TNNI3K: variants seen among roughly 807,000 people sequenced by gnomAD.
TNNI3K encodes the protein TNNI3 interacting kinase, also known as serine/threonine-protein kinase TNNI3K.
A neutral mutation model predicts 114.5 loss-of-function variants in TNNI3K; 140 were observed. The ratio of observed to expected loss-of-function variants is 1.22; its 90% CI spans 1.07 to 1.41. TNNI3K has a LOEUF of 1.41. Ranked by LOEUF, TNNI3K falls within the 40% of genes most tolerant of loss-of-function variation. TNNI3K has a pLI of 0.00. For synonymous variants in TNNI3K, 347 were observed against 347.5 expected (o/e 1.00, Z 0.02); for missense variants, 1,125 against 1,007.6 (o/e 1.12, Z -1.58).
At chr1:74,254,294 AGAT>A (rs1655140965) in intron 4 of TNNI3K, among the ~76,000 whole-genome samples, 1 of 152,222 alleles carries the variant, frequency 6.6e-6, no homozygotes, top group African/African-American at 2.4e-5. Flanking sequence ...AAGAACATTG[AGAT>A]GATATTAACA....
intron 23 of TNNI3K, among the ~76,000 whole-genome samples, chr1:74,539,041 A>C (rs1294976381): frequency 6.6e-6 from 1 of 152,188 alleles, no homozygotes; most frequent in Non-Finnish European, 1.5e-5. Flanking sequence ...GATAATATAC[A>C]AAGAATGGAC....
chr1:74,306,776 A>G (rs2100338719), intron 5 of TNNI3K, among the ~76,000 whole-genome samples: 1 of 152,246 alleles, frequency 6.6e-6, no homozygotes, highest in African/African-American at 2.4e-5. Flanking sequence ...TGTTGGATGC[A>G]TAATTTTTTA....
chr1:74,284,710 C>T (rs1483352101), intron 5 of TNNI3K, among the ~76,000 whole-genome samples: 1 of 152,218 alleles, frequency 6.6e-6, no homozygotes, highest in East Asian at 1.9e-4. Context: ...TACTAACTAA[C>T]CCATTTATGC....
At chr1:74,475,695 CAG>C (rs1445286347) in intron 21 of TNNI3K, 2 of 709,414 alleles carry the variant, frequency 2.8e-6, no homozygotes, top group East Asian at 2.7e-5. Flanking sequence ...CATGAGCACA[CAG>C]GGGTTCATCG....
In TNNI3K at chr1:74,480,337, G is replaced by A. The variant is rs1668423260; in HGVS notation, c.2122-8852G>A. 3 of 717,762 alleles carry A rather than the reference G, an allele frequency of 4.2e-6. 1 individual carries two copies. The South Asian group carries it at 4.4e-5, about 11-fold the overall frequency. The allele number at this position is 717,762 out of a possible 1,614,324, so 44.5% of individuals were successfully genotyped here. A position where few individuals can be genotyped will look rare whatever the true frequency, so the allele number is the denominator to read the frequency against. On this transcript the variant is annotated intron_variant, in intron 21 of 24. Transcript: ENST00000326637. ...GGCAATTTAGGTCCTTGGCATTCCTGAGCGTGTGAGCAGAAGACTTAATGT... is the reference window on the plus strand; with the variant it reads ...GGCAATTTAGGTCCTTGGCATTCCTAAGCGTGTGAGCAGAAGACTTAATGT...
intron 11 of TNNI3K, among the ~76,000 whole-genome samples, chr1:74,366,218 A>G (rs1362186532): frequency 1.3e-5 from 2 of 152,098 alleles, no homozygotes; most frequent in East Asian, 1.9e-4. Flanking sequence ...CAGTTTTACA[A>G]TAAGCTCTGT....
In TNNI3K at chr1:74,369,512, C is replaced by G. The variant is rs1662478435; in HGVS notation, c.1594C>G (p.Pro532Ala). Reference protein sequence around the residue: ...IQFVGACLNDPSQFAIVTQYI... With the variant: ...IQFVGACLNDASQFAIVTQYI... ...GTTTGTGGGTGCTTGCTTGAATGAT[C>G]CCAGCCAGTTTGCCATTGTCACTCA... The change falls in exon 16 of 25, where the codon CCC becomes GCC. Residue 532 changes from proline to alanine, a missense_variant. Physicochemically the swap from Pro to Ala is conservative, Grantham distance 27. Transcript: ENST00000326637. 6.2e-7 allele frequency: 1 copy of G among 1,612,672 alleles called. No homozygotes were observed. The highest frequency in any genetic ancestry group is 8.5e-7 in the Non-Finnish European group (1 of 1,179,202).
chr1:74,478,505 C>G (rs191998288), intron 21 of TNNI3K, among the ~76,000 whole-genome samples: 4 of 152,142 alleles, frequency 2.6e-5, no homozygotes, highest in Non-Finnish European at 2.9e-5. Flanking sequence ...AAAAATTGCT[C>G]TATTATAATA....
intron 5 of TNNI3K, among the ~76,000 whole-genome samples, chr1:74,285,654 C>T (rs1216174847): frequency 6.6e-6 from 1 of 152,160 alleles, no homozygotes; most frequent in Non-Finnish European, 1.5e-5. Context: ...ATATTTCTCA[C>T]AGGTTCCAAT....
At chr1:74,542,736 AG>A (rs1330152789) in intron 24 of TNNI3K, among the ~76,000 whole-genome samples, 1 of 152,228 alleles carries the variant, frequency 6.6e-6, no homozygotes, top group African/African-American at 2.4e-5. Context: ...CAGCTATCAA[AG>A]GGGAGCAAAA....
chr1:74,237,617 C>A (rs951505371), intron 2 of TNNI3K, among the ~76,000 whole-genome samples: 9 of 151,956 alleles, frequency 5.9e-5, no homozygotes, highest in African/African-American at 1.9e-4. Flanking sequence ...AATGTAGGTT[C>A]TTTCTGATAC....
At chr1:74,239,898 G>A (rs1654079573) in intron 2 of TNNI3K, 2 of 466,684 alleles carry the variant, frequency 4.3e-6, no homozygotes, top group Non-Finnish European at 8.9e-6. Context: ...GAAATGGAAT[G>A]TTCTTTCATC....
intron 17 of TNNI3K, chr1:74,372,457 G>A (rs1279474898): frequency 1.3e-5 from 2 of 151,818 alleles, no homozygotes; most frequent in African/African-American, 2.4e-5. Flanking sequence ...ATGTAAATAA[G>A]TCTCAATCTA....
At chr1:74,437,996 T>A (rs1666212796) in intron 19 of TNNI3K, among the ~76,000 whole-genome samples, 1 of 151,684 alleles carries the variant, frequency 6.6e-6, no homozygotes, top group Non-Finnish European at 1.5e-5. Context: ...ATATTAACTC[T>A]CTTATTCTAG....
intron 4 of TNNI3K, among the ~76,000 whole-genome samples, chr1:74,251,791 T>C (rs1247880138): frequency 6.6e-6 from 1 of 152,196 alleles, no homozygotes; most frequent in Admixed American, 6.5e-5. Context: ...TCCCATGATC[T>C]AGCATCACAA....
chr1:74,361,982 C>G (rs1302214104), intron 11 of TNNI3K, among the ~76,000 whole-genome samples: 2 of 152,052 alleles, frequency 1.3e-5, no homozygotes, highest in African/African-American at 4.8e-5. Flanking sequence ...GATTAAGGAA[C>G]AAGAATAATG....
At chr1:74,443,880 A>G (rs553061392) in intron 20 of TNNI3K, among the ~76,000 whole-genome samples, 2 of 152,234 alleles carry the variant, frequency 1.3e-5, no homozygotes, top group Non-Finnish European at 2.9e-5. Flanking sequence ...AACGTAATTC[A>G]TCACATAAAC....
intron 17 of TNNI3K, among the ~76,000 whole-genome samples, chr1:74,413,400 C>T (rs1270842502): frequency 1.3e-5 from 2 of 152,102 alleles, no homozygotes; most frequent in Non-Finnish European, 2.9e-5. Context: ...TCTTCTTAAT[C>T]CCAAGCTATA....
At chr1:74,476,792 T>C (rs1300687519) in intron 21 of TNNI3K, among the ~76,000 whole-genome samples, 2 of 152,160 alleles carry the variant, frequency 1.3e-5, no homozygotes, top group African/African-American at 4.8e-5. Flanking sequence ...GGCTACACCA[T>C]GTCTAGTTTT....
Sources: gnomAD v4.1 joint callset for allele counts (sites outside exome capture counted in the v4.1 genomes callset) on GRCh38, gnomAD v4.1.1 for gene constraint, MANE v1.5 for transcripts, NCBI Gene and HGNC (gene_info 2026-07-23, HGNC 2026-07-21) for gene names.